The following IQCK variants were observed in gnomAD, a reference collection of about 807,000 sequenced individuals.
IQCK encodes IQ domain-containing protein K.
Under a neutral mutation model 28.1 loss-of-function variants are expected in IQCK, and 29 were observed. The observed-to-expected ratio is 1.03, with a 90% confidence interval of 0.77 to 1.41. IQCK has a LOEUF of 1.41. IQCK is among the 40% of genes most tolerant of loss of function. IQCK has a pLI of 0.00. For missense variants in IQCK, 359 were observed against 314.7 expected (o/e 1.14, Z -1.07); for synonymous variants, 113 against 115.1 (o/e 0.98, Z 0.12).
At chr16:19,823,304 C>G (rs575814505) in intron 7 of IQCK, among the ~76,000 whole-genome samples, 1 of 152,250 alleles carries the variant, frequency 6.6e-6, no homozygotes, top group South Asian at 2.1e-4. Flanking sequence ...TTTAGACAAG[C>G]CTGGCTCTCT....
chr16:19,836,703 G>A (rs1398052563), intron 9 of IQCK, among the ~76,000 whole-genome samples: 5 of 152,138 alleles, frequency 3.3e-5, no homozygotes, highest in African/African-American at 1.2e-4. Context: ...TAGTAGAGAT[G>A]GGGTTTCACC....
intron 6 of IQCK, among the ~76,000 whole-genome samples, chr16:19,782,478 A>G (rs2151727732): frequency 6.6e-6 from 1 of 152,078 alleles, no homozygotes; most frequent in Non-Finnish European, 1.5e-5. Flanking sequence ...AAAAAAAAAA[A>G]TTAGCTGGGA....
chr16:19,817,502 A>G (rs1211676848), intron 7 of IQCK, among the ~76,000 whole-genome samples: 2 of 152,108 alleles, frequency 1.3e-5, no homozygotes, highest in African/African-American at 4.8e-5. Context: ...GAAGGAAATT[A>G]AGGAAAAGAT....
At chr16:19,828,564 A>T (rs1283891952), downstream of IQCK, among the ~76,000 whole-genome samples, 1 of 151,974 alleles carries the variant, frequency 6.6e-6, no homozygotes, top group Non-Finnish European at 1.5e-5. Flanking sequence ...GGGGAAAATT[A>T]AATTGCAGAA....
intron 9 of IQCK, among the ~76,000 whole-genome samples, chr16:19,837,255 G>A (rs977108566): frequency 7.2e-5 from 11 of 152,034 alleles, no homozygotes; most frequent in African/African-American, 2.7e-4. Flanking sequence ...ATGAAAACTA[G>A]CTGGGTATGG....
intron 4 of IQCK, among the ~76,000 whole-genome samples, chr16:19,751,484 A>T (rs1350546066): frequency 6.6e-6 from 1 of 152,186 alleles, no homozygotes; most frequent in African/African-American, 2.4e-5. Flanking sequence ...TCTTTAAAAA[A>T]GATAAATAAA....
intron 4 of IQCK, among the ~76,000 whole-genome samples, chr16:19,743,814 G>A (rs1247049907): frequency 6.6e-6 from 1 of 152,250 alleles, no homozygotes; most frequent in East Asian, 1.9e-4. Context: ...GAGAAAAGGA[G>A]TGAGAAGTTA....
intron 1 of IQCK, among the ~76,000 whole-genome samples, chr16:19,719,822 C>G (rs1977430828): frequency 1.3e-5 from 2 of 151,410 alleles, no homozygotes; most frequent in African/African-American, 4.9e-5. Flanking sequence ...TACAGGCACC[C>G]GTCATCATTC....
At chr16:19,745,449 C>G (rs1171564296) in intron 4 of IQCK, among the ~76,000 whole-genome samples, 5 of 152,118 alleles carry the variant, frequency 3.3e-5, no homozygotes, top group Admixed American at 2.0e-4. Flanking sequence ...AGGGTCAGCC[C>G]CGCAGCGGCC....
intron 6 of IQCK, among the ~76,000 whole-genome samples, chr16:19,779,346 A>G (rs1322317656): frequency 2.6e-5 from 4 of 152,186 alleles, no homozygotes; most frequent in Non-Finnish European, 5.9e-5. Flanking sequence ...ATGTTGTGGG[A>G]GAGAGAGGAG....
In IQCK at chr16:19,743,721, C is replaced by T. The variant is rs115243701; in HGVS notation, c.474+8271C>T. ...GTTCCAGAGTCTAAGAGTTTGACCA[C>T]TGCTCCACTCTGATGGTCAGTCACA... On this transcript the variant is annotated intron_variant, in intron 4 of 7. Transcript: ENST00000564186. 5.6e-3 allele frequency among the ~76,000 whole-genome samples: 849 copies of T among 152,338 alleles called. 10 individuals carry two copies. Among genetic ancestry groups the T allele is most frequent in the African/African-American group, 0.019 (802 of 41,568 alleles).
chr16:19,839,332 T>C (rs1434336098), intron 9 of IQCK, among the ~76,000 whole-genome samples: 3 of 151,808 alleles, frequency 2.0e-5, no homozygotes, highest in Non-Finnish European at 4.4e-5. Flanking sequence ...TGCTAATTTT[T>C]GTATTTTTAA....
At chr16:19,761,173 AT>A in intron 4 of IQCK, 1 of 330,314 alleles carries the variant, frequency 3.0e-6, no homozygotes, top group Non-Finnish European at 6.0e-6. Flanking sequence ...TCTCAGCCTC[AT>A]TTTACCCAGC....
At chr16:19,778,592 G>A (rs2055430443) in intron 6 of IQCK, among the ~76,000 whole-genome samples, 2 of 152,046 alleles carry the variant, frequency 1.3e-5, no homozygotes, top group African/African-American at 4.8e-5. Flanking sequence ...GGGAGATGGA[G>A]GCTGCAGCGA....
intron 9 of IQCK, among the ~76,000 whole-genome samples, chr16:19,841,547 CTT>C (rs1277462365): frequency 6.6e-6 from 1 of 152,156 alleles, no homozygotes; most frequent in African/African-American, 2.4e-5. Flanking sequence ...GATCACTCAT[CTT>C]TTAGATGCAG....
intron 4 of IQCK, chr16:19,736,032 C>CTCCA: frequency 2.2e-6 from 1 of 448,954 alleles, no homozygotes; most frequent in Non-Finnish European, 4.5e-6. Context: ...CGTCACTGCA[C>CTCCA]TCCAGCCTGG....
chr16:19,721,500 TTCTAA>T (rs1368970104), intron 1 of IQCK, among the ~76,000 whole-genome samples: 1 of 152,188 alleles, frequency 6.6e-6, no homozygotes, highest in Non-Finnish European at 1.5e-5. Context: ...CGGCCAACAC[TTCTAA>T]TCAAATCTTA....
At chr16:19,776,433 C>T (rs1373350506) in intron 6 of IQCK, among the ~76,000 whole-genome samples, 1 of 152,082 alleles carries the variant, frequency 6.6e-6, no homozygotes, top group Non-Finnish European at 1.5e-5. Context: ...GTCCTGGGCA[C>T]GGTGGCCACG....
chr16:19,804,036 G>A (rs893413259), intron 7 of IQCK, among the ~76,000 whole-genome samples: 1 of 152,180 alleles, frequency 6.6e-6, no homozygotes, highest in African/African-American at 2.4e-5. Context: ...ATATATCAGT[G>A]ACTTTCCTAT....
Sources: allele counts gnomAD v4.1 joint callset (sites outside exome capture counted in the v4.1 genomes callset), GRCh38; gene constraint gnomAD v4.1.1; transcripts MANE v1.5; gene names NCBI Gene and HGNC (gene_info 2026-07-23, HGNC 2026-07-21).